Variants in NEBL observed in about 807,000 individuals in gnomAD.
NEBL encodes nebulette, also known as LIM and SH3 protein 2.
Under a neutral mutation model 140.2 loss-of-function variants are expected in NEBL, and 122 were observed. That is an observed-to-expected ratio of 0.87 (90% CI 0.75 to 1.01). The LOEUF is 1.01. Ranked by LOEUF, NEBL falls within the 50% of genes least tolerant of loss-of-function variation. The probability of loss-of-function intolerance (pLI) is 0.00; values close to 1 mark genes in which losing one functional copy is unlikely to be tolerated. For synonymous variants in NEBL, 436 were observed against 398.9 expected, an observed-to-expected ratio of 1.09 and a Z score of -1.11; for missense variants, 1,365 against 1,231.3, an observed-to-expected ratio of 1.11 and a Z score of -1.62.
rs1438651540 is a variant in NEBL, at chr10:21,035,010, A to ATTGCCCAGGCTGGAGTCTAGCTCTG, written c.165-14834_165-14810dup. Among the ~76,000 whole-genome samples, 44 of 151,358 alleles carry ATTGCCCAGGCTGGAGTCTAGCTCTG rather than the reference A, an allele frequency of 2.9e-4. 1 individual carries two copies. The East Asian group carries it at 8.4e-3, about 29-fold the overall frequency. ...TATTTTTGAGACAGAGTCTCACTCCATTGCCCAGGCTGGAGTCTAGCTCTG... is the reference window on the plus strand; with the variant it reads ...TATTTTTGAGACAGAGTCTCACTCCATTGCCCAGGCTGGAGTCTAGCTCTGTTGCCCAGGCTGGAGTCTAGCTCTG... On this transcript the variant is annotated intron_variant, in intron 2 of 6. Transcript: ENST00000417816.
intron 4 of NEBL, among the ~76,000 whole-genome samples, chr10:20,883,017 G>A (rs1007968281): frequency 5.9e-5 from 9 of 152,214 alleles, no homozygotes; most frequent in African/African-American, 1.7e-4. Context: ...CTCCAGACTC[G>A]CAGTATGGAT....
chr10:20,793,455 C>G (rs956963486), intron 26 of NEBL: 2 of 553,224 alleles, frequency 3.6e-6, no homozygotes, highest in African/African-American at 4.1e-5. Context: ...ACCCTGACTG[C>G]ATATGACGTT....
chr10:21,000,779 T>C (rs1325511147), intron 3 of NEBL, among the ~76,000 whole-genome samples: 2 of 152,306 alleles, frequency 1.3e-5, no homozygotes, highest in East Asian at 3.9e-4. Context: ...GTCTCTTGTC[T>C]TTCTGGATGC....
chr10:20,960,511 AAT>A (rs1836002179), intron 4 of NEBL, among the ~76,000 whole-genome samples: 3 of 152,082 alleles, frequency 2.0e-5, no homozygotes, highest in African/African-American at 4.8e-5. Context: ...AGCAAAAAAC[AAT>A]GTGTACTTTG....
intron 3 of NEBL, among the ~76,000 whole-genome samples, chr10:21,002,138 T>C (rs1474546590): frequency 6.6e-6 from 1 of 152,066 alleles, no homozygotes; most frequent in East Asian, 1.9e-4. Context: ...AAGAGGAAGA[T>C]ATCCTTGATG....
At chr10:21,130,347 A>C (rs572171203) in intron 2 of NEBL, among the ~76,000 whole-genome samples, 2 of 152,254 alleles carry the variant, frequency 1.3e-5, no homozygotes, top group African/African-American at 4.8e-5. Context: ...CAGATCCAGC[A>C]GGCAGAAAAT....
At chr10:21,147,878 AG>A (rs755471906) in intron 2 of NEBL, among the ~76,000 whole-genome samples, 1 of 152,192 alleles carries the variant, frequency 6.6e-6, no homozygotes, top group Non-Finnish European at 1.5e-5. Flanking sequence ...ATTCACTCAC[AG>A]GTTCCTTCAT....
In NEBL at chr10:20,826,434, G is replaced by C; in HGVS notation, c.1869+13C>G. ...GCTTTTAGAAAAGATAATTAATGCT[G>C]TAGAGAACTTACTGAACTAATATTC... is the stretch of plus-strand genomic sequence containing the variant. On this transcript the variant is annotated intron_variant, in intron 18 of 27. Transcript: ENST00000377122. 1 of 1,588,280 alleles carries C rather than the reference G, an allele frequency of 6.3e-7. No individual in the cohort carries two copies. The highest frequency in any genetic ancestry group is 1.7e-5 in the Admixed American group (1 of 59,950).
chr10:21,171,579 C>T (rs1030986457), intron 2 of NEBL: 3 of 152,240 alleles, frequency 2.0e-5, no homozygotes, highest in Admixed American at 6.5e-5. Context: ...GCCGCAATTT[C>T]ATTACCCGCC....
intron 2 of NEBL, among the ~76,000 whole-genome samples, chr10:21,100,848 A>G (rs569991666): frequency 6.6e-6 from 1 of 152,362 alleles, no homozygotes; most frequent in African/African-American, 2.4e-5. Flanking sequence ...GTACTCAGCA[A>G]TGACTAAACT....
At chr10:21,227,397 T>G (rs374380995) in intron 3 of NEBL, among the ~76,000 whole-genome samples, 19 of 152,364 alleles carry the variant, frequency 1.2e-4, no homozygotes, top group African/African-American at 3.8e-4. Flanking sequence ...AATTCTACTT[T>G]AAAAATGCCA....
upstream of NEBL, among the ~76,000 whole-genome samples, chr10:20,900,171 C>A (rs1008162531): frequency 2.0e-5 from 3 of 152,166 alleles, no homozygotes; most frequent in African/African-American, 7.2e-5. Flanking sequence ...ATAGCTTTTA[C>A]TTATTGGGCA....
rs530877015 is a variant in NEBL, at chr10:21,172,183, G to A, written c.164+200C>T. 7.8e-5 allele frequency: 47 copies of A among 601,818 alleles called. No homozygotes were observed. The South Asian group carries it at 8.2e-4, about 11-fold the overall frequency. The allele number at this position is 601,818 out of a possible 1,614,324, so 37.3% of individuals were successfully genotyped here. A position where few individuals can be genotyped will look rare whatever the true frequency, so the allele number is the denominator to read the frequency against. On this transcript the variant is annotated intron_variant, in intron 2 of 6. Coordinates refer to the NEBL transcript ENST00000417816. The stretch of plus-strand genomic sequence containing the variant: ...CTAACCTGATTGAAGATGCATAGAC[G>A]TTACCCAACACATTAGAAAGGTATA...
chr10:20,909,477 G>A (rs1848240449), intron 4 of NEBL, among the ~76,000 whole-genome samples: 1 of 152,078 alleles, frequency 6.6e-6, no homozygotes, highest in African/African-American at 2.4e-5. Context: ...AAATGAAATG[G>A]AAAATACTTT....
At chr10:20,927,594 A>G (rs1334526906) in intron 4 of NEBL, among the ~76,000 whole-genome samples, 1 of 152,236 alleles carries the variant, frequency 6.6e-6, no homozygotes. Context: ...AATTTCAACT[A>G]TGAGTTAAAA....
In NEBL at chr10:20,808,644, T is replaced by C; in HGVS notation, c.2627A>G (p.Tyr876Cys). ...LHMLSEKASH[Y>C]RRHWSRSHSS... ...ATGGGATCGAGACCAGTGTCGCCTA[T>C]AGTGACTCGCCTTTTCTATATTGGA... The change falls in exon 26 of 28, where the codon TAT (tyrosine) becomes TGT (cysteine). Residue 876 changes from tyrosine (Y) to cysteine (C), a missense_variant. Tyr to Cys is a radical substitution (Grantham distance 194). This residue lies in a region of NEBL where 1,323 missense variants were observed against 1,154.8 expected (regional missense o/e 1.15). Transcript: ENST00000377122. 2 of 1,613,266 alleles carry C rather than the reference T, an allele frequency of 1.2e-6. No homozygotes were observed. The highest frequency in any genetic ancestry group is 8.5e-7 in the Non-Finnish European group (1 of 1,179,292).
At chr10:20,914,933 T>C (rs377289818) in intron 4 of NEBL, among the ~76,000 whole-genome samples, 44 of 150,758 alleles carry the variant, frequency 2.9e-4, no homozygotes, top group East Asian at 2.0e-3. Context: ...TCTTGACTCA[T>C]GCAATTCTCC....
In NEBL at chr10:20,828,614, T is replaced by C. The variant is rs372041776; in HGVS notation, c.1692A>G (p.Ala564=). ...IYSQRKYKDE[A]EKMLSNYSTI... is the part of the protein sequence containing the mutation. The stretch of plus-strand genomic sequence containing the variant: ...TAGAATAGTTAGAAAGCATCTTCTC[T>C]GCTTCATCTTTATACTTTCTCTAAA... Residue 564 remains alanine (A), a synonymous_variant, in exon 17 of 28, where the codon GCA becomes GCG. Transcript: ENST00000377122. 2.5e-6 allele frequency: 4 copies of C among 1,578,304 alleles called. No homozygotes were observed. In the African/African-American group the frequency reaches 4.1e-5, roughly 16 times the overall value.
chr10:21,250,495 T>TTA (rs1189337830), intron 2 of NEBL, among the ~76,000 whole-genome samples: 10 of 152,168 alleles, frequency 6.6e-5, no homozygotes, highest in Non-Finnish European at 1.5e-4. Flanking sequence ...AAACCACCCT[T>TTA]TATATATATA....
Sources: gnomAD v4.1 joint callset for allele counts (sites outside exome capture counted in the v4.1 genomes callset) on GRCh38, gnomAD v4.1.1 for gene constraint, gnomAD v4.1.1 regional missense constraint, MANE v1.5 for transcripts, NCBI Gene and HGNC (gene_info 2026-07-23, HGNC 2026-07-21) for gene names.